The following PPP1R1C variants were observed in gnomAD, a reference collection of about 807,000 sequenced individuals.
PPP1R1C encodes protein phosphatase 1 regulatory subunit 1C.
A neutral mutation model predicts 17.4 loss-of-function variants in PPP1R1C; 15 were observed. That is an observed-to-expected ratio of 0.86 (90% CI 0.58 to 1.33). The LOEUF is 1.33. Among genes scored for constraint, PPP1R1C ranks in the 40% most tolerant of loss-of-function variants. The pLI is 0.00. For missense variants in PPP1R1C, 143 were observed against 130.0 expected (o/e 1.10, Z -0.48); for synonymous variants, 35 against 43.1 (o/e 0.81, Z 0.73).
intron 2 of PPP1R1C, among the ~76,000 whole-genome samples, chr2:182,041,498 A>G (rs1478386880): frequency 1.3e-5 from 2 of 151,484 alleles, no homozygotes; most frequent in Non-Finnish European, 2.9e-5. Context: ...ACTCCCAGCT[A>G]CTTGGGAGGC....
chr2:182,067,628 T>C (rs778419581), intron 4 of PPP1R1C, among the ~76,000 whole-genome samples: 81 of 152,234 alleles, frequency 5.3e-4, no homozygotes, highest in Non-Finnish European at 7.6e-4. Flanking sequence ...CCACCACTTA[T>C]TAGCTGTGCA....
intron 1 of PPP1R1C, chr2:181,975,108 T>G (rs759289016): frequency 1.5e-4 from 23 of 152,062 alleles, no homozygotes; most frequent in Admixed American, 4.6e-4. Context: ...ATATAAAATT[T>G]TGGGGGTAAT....
chr2:182,002,936 C>CCCCCCCCCCCCCCCCT (rs1685813276), intron 2 of PPP1R1C, among the ~76,000 whole-genome samples: 1 of 135,520 alleles, frequency 7.4e-6, no homozygotes, highest in Non-Finnish European at 1.6e-5. Flanking sequence ...AACCTCCCCC[C>CCCCCCCCCCCCCCCCT]CCCCACAACC....
rs569509287 is a variant in PPP1R1C, at chr2:181,962,307, T to C, written n.111+7673T>C. ...CCCGCGGCCAGGTCCCCGGACCCCA[T>C]GCCACCCCGGAAGCTGGTGGAGCGG... On this transcript the variant is annotated intron_variant and non_coding_transcript_variant, in intron 1 of 5. Coordinates refer to the PPP1R1C transcript ENST00000464264. This position sits in a 1 kb window ranked among gnomAD's most constrained non-coding sequence, Gnocchi z 6.0. The C allele has an allele frequency of 8.6e-6, 7 of 818,424 alleles. No individual in the cohort carries two copies. In the East Asian group the frequency reaches 1.7e-4, roughly 20 times the overall value. 50.7% of individuals were successfully genotyped at this position (818,424 alleles called of 1,614,324 possible). A position where few individuals can be genotyped will look rare whatever the true frequency, so the allele number is the denominator to read the frequency against.
intron 4 of PPP1R1C, among the ~76,000 whole-genome samples, chr2:182,099,923 C>G (rs560046277): frequency 1.3e-5 from 2 of 152,062 alleles, no homozygotes. Context: ...CTCTGACCTG[C>G]AAGTCTATGA....
In PPP1R1C at chr2:181,967,252, T is replaced by G. The variant is rs1434013114; in HGVS notation, n.112-7967T>G. Among the ~76,000 whole-genome samples, 1 of 152,142 alleles carries G rather than the reference T, an allele frequency of 6.6e-6. No individual in the cohort carries two copies. Among genetic ancestry groups the G allele is most frequent in the Non-Finnish European group, 1.5e-5 (1 of 68,010 alleles). On this transcript the variant is annotated intron_variant and non_coding_transcript_variant, in intron 1 of 5. Coordinates refer to the PPP1R1C transcript ENST00000464264. This position sits in a 1 kb window ranked among gnomAD's most constrained non-coding sequence, Gnocchi z 5.5. ...TTTTATCTTTTCAAAAAACCAAATT[T>G]TCCCTTTATTAATCTCATATTTTTT...
intron 4 of PPP1R1C, chr2:182,103,494 T>C (rs1213923134): frequency 6.6e-6 from 1 of 152,194 alleles, no homozygotes; most frequent in Admixed American, 6.5e-5. Flanking sequence ...ATGTTACATG[T>C]GGAAGACAAC....
chr2:182,094,773 C>A (rs1241863139), intron 4 of PPP1R1C, among the ~76,000 whole-genome samples: 1 of 152,178 alleles, frequency 6.6e-6, no homozygotes, highest in Non-Finnish European at 1.5e-5. Flanking sequence ...ATATATATAA[C>A]TCCCACATGC....
chr2:182,015,556 G>A (rs1345472053), intron 2 of PPP1R1C, among the ~76,000 whole-genome samples: 1 of 152,098 alleles, frequency 6.6e-6, no homozygotes, highest in African/African-American at 2.4e-5. Flanking sequence ...CTCACCTAAG[G>A]CCCATGGTGA....
intron 2 of PPP1R1C, among the ~76,000 whole-genome samples, chr2:182,034,130 G>T (rs891040714): frequency 2.0e-5 from 3 of 152,140 alleles, no homozygotes; most frequent in African/African-American, 7.2e-5. Context: ...AAATATTTTT[G>T]AGTGCCTACT....
intron 4 of PPP1R1C, among the ~76,000 whole-genome samples, chr2:182,072,880 G>C (rs1004809472): frequency 6.6e-6 from 1 of 152,126 alleles, no homozygotes; most frequent in Non-Finnish European, 1.5e-5. Flanking sequence ...CCAGACAGCT[G>C]ACCACACAAA....
At chr2:182,116,970 A>G (rs1459522533) in intron 4 of PPP1R1C, among the ~76,000 whole-genome samples, 3 of 152,164 alleles carry the variant, frequency 2.0e-5, no homozygotes, top group Non-Finnish European at 2.9e-5. Flanking sequence ...GCAATCCCTA[A>G]TGGAGAAGCT....
intron 4 of PPP1R1C, among the ~76,000 whole-genome samples, chr2:182,077,909 G>C (rs901272301): frequency 2.0e-5 from 3 of 152,234 alleles, no homozygotes; most frequent in Non-Finnish European, 4.4e-5. Flanking sequence ...TGCCGGGCGT[G>C]GTGGCTCACG....
chr2:182,053,394 A>G (rs1194792690), intron 2 of PPP1R1C, among the ~76,000 whole-genome samples: 1 of 152,236 alleles, frequency 6.6e-6, no homozygotes. Context: ...AGGTCATTGT[A>G]ACTATTGATC....
At chr2:182,015,943 C>A (rs1484188012) in intron 2 of PPP1R1C, among the ~76,000 whole-genome samples, 1 of 152,168 alleles carries the variant, frequency 6.6e-6, no homozygotes, top group Non-Finnish European at 1.5e-5. Context: ...GTCATTTGCA[C>A]CCCATGTGTG....
chr2:182,123,947 G>A (rs11899083), intron 5 of PPP1R1C, among the ~76,000 whole-genome samples: 25,661 of 152,082 alleles, frequency 0.17, 2,306 homozygotes, highest in South Asian at 0.24. Flanking sequence ...GTCGTGAATG[G>A]TATTGCCTAG....
chr2:181,977,132 TAAAAAAAAAAAAAAAAAAAAAAAA>T (rs67129466), intron 2 of PPP1R1C, among the ~76,000 whole-genome samples: 18 of 19,848 alleles, frequency 9.1e-4, no homozygotes, highest in South Asian at 9.0e-3. Context: ...AGAATCTATC[TAAAAAAAAAAAAAAAAAAAAAAAA>T]AAAAAAAAAA....
At chr2:182,097,051 T>C (rs183053679) in intron 4 of PPP1R1C, among the ~76,000 whole-genome samples, 1 of 152,342 alleles carries the variant, frequency 6.6e-6, no homozygotes, top group East Asian at 1.9e-4. Context: ...TTTAAGCCCA[T>C]TTATGCAAAT....
At chr2:181,991,780 T>C (rs950074146) in intron 2 of PPP1R1C, among the ~76,000 whole-genome samples, 1 of 152,224 alleles carries the variant, frequency 6.6e-6, no homozygotes, top group African/African-American at 2.4e-5. Context: ...TCTCTGAAGC[T>C]ACACAGGAGA....
Sources: gnomAD v4.1 joint callset for allele counts (sites outside exome capture counted in the v4.1 genomes callset) on GRCh38, gnomAD v4.1.1 for gene constraint, Gnocchi (gnomAD v3.1) non-coding constraint, MANE v1.5 for transcripts, NCBI Gene and HGNC (gene_info 2026-07-23, HGNC 2026-07-21) for gene names.